The following PZP variants were observed in gnomAD, a reference collection of about 807,000 sequenced individuals.
PZP encodes the protein PZP alpha-2-macroglobulin like, also known as pregnancy zone protein.
A neutral mutation model predicts 179.8 loss-of-function variants in PZP; 150 were observed. That is an observed-to-expected ratio of 0.83 (90% CI 0.73 to 0.96). The LOEUF is 0.96. Ranked by LOEUF, PZP falls within the 40% of genes least tolerant of loss-of-function variation. PZP has a pLI of 0.00. For synonymous variants in PZP, 624 were observed against 652.3 expected (o/e 0.96, Z 0.66); for missense variants, 1,689 against 1,764.0 (o/e 0.96, Z 0.76).
intron 26 of PZP, among the ~76,000 whole-genome samples, chr12:9,158,216 A>G (rs896465896): frequency 6.6e-6 from 1 of 152,122 alleles, no homozygotes; most frequent in Non-Finnish European, 1.5e-5. Context: ...TGGCCTCCCA[A>G]AGTGCTGTGA....
At chr12:9,180,872 A>C (rs772889046) in intron 15 of PZP, 111 bp downstream of exon 15, 42 of 1,210,862 alleles carry the variant, frequency 3.5e-5, no homozygotes, top group African/African-American at 3.4e-4. Flanking sequence ...CAACCTACAA[A>C]ATGGGAGAAA....
chr12:9,208,174 T>C, intron 1 of PZP, 85 bp downstream of exon 1: 1 of 936,024 alleles, frequency 1.1e-6, no homozygotes, highest in South Asian at 1.3e-5. Flanking sequence ...AGTGGAAAGG[T>C]GGCATTTACA....
At chr12:9,172,735 A>T (rs777732119) in intron 15 of PZP, among the ~76,000 whole-genome samples, 4 of 152,316 alleles carry the variant, frequency 2.6e-5, no homozygotes, top group East Asian at 1.9e-4. Flanking sequence ...AAAGAAGGGT[A>T]GTATATAATA....
intron 2 of PZP, 72 bp downstream of exon 2, chr12:9,203,696 C>G (rs1944304219): frequency 6.5e-7 from 1 of 1,544,688 alleles, no homozygotes; most frequent in Non-Finnish European, 8.9e-7. Flanking sequence ...CACCAGAGCT[C>G]CATCACCATG....
At chr12:9,138,138 G>A in the PZP span, among the ~76,000 whole-genome samples, 2 of 152,030 alleles carry the variant, frequency 1.3e-5, no homozygotes. Flanking sequence ...CGTTGAGTCT[G>A]ATATTATCTA....
intron 1 of PZP, among the ~76,000 whole-genome samples, chr12:9,207,357 C>G (rs1163080819): frequency 6.6e-6 from 1 of 152,208 alleles, no homozygotes; most frequent in Admixed American, 6.5e-5. Flanking sequence ...CAAGAGTTCT[C>G]ACCATTCTCT....
At chr12:9,202,416 G>A (rs758478795) in intron 3 of PZP, 45 bp from the exon 4 acceptor site, 10 of 1,613,682 alleles carry the variant, frequency 6.2e-6, no homozygotes, top group Non-Finnish European at 5.1e-6. Flanking sequence ...GATAAAGCAG[G>A]TAATTTGGGT....
chr12:9,200,332 A>C, intron 7 of PZP, 32 bp downstream of exon 7: 2 of 1,486,350 alleles, frequency 1.3e-6, no homozygotes, highest in Middle Eastern at 1.7e-4. Flanking sequence ...GAGGCAAAAT[A>C]TAAAATTTTA....
In PZP at chr12:9,158,549, G is replaced by A. The variant is rs765951100; in HGVS notation, c.3165C>T (p.Phe1055=). Reference sequence around the variant, plus strand: ...TGAAGATGTAGGATCGAGCCTGGGCGAAAGTCTTCAGTACAAAAGCTGTGA... The same window carrying A: ...TGAAGATGTAGGATCGAGCCTGGGCAAAAGTCTTCAGTACAAAAGCTGTGA... ...TWLTAFVLKT[F]AQARSYIFID... Residue 1055 remains phenylalanine (F), a synonymous_variant, in exon 26 of 36, where the codon TTC becomes TTT. Transcript: ENST00000261336. 13 of 1,614,082 alleles carry A rather than the reference G, an allele frequency of 8.1e-6. No individual in the cohort carries two copies. The highest frequency in any genetic ancestry group is 2.2e-5 in the South Asian group (2 of 91,072).
intron 10 of PZP, among the ~76,000 whole-genome samples, chr12:9,194,618 C>G (rs2121132332): frequency 6.6e-6 from 1 of 152,162 alleles, no homozygotes; most frequent in South Asian, 2.1e-4. Flanking sequence ...GCGCCCGCCA[C>G]CCCGCCCAGC....
the PZP span, among the ~76,000 whole-genome samples, chr12:9,143,540 G>A: frequency 6.6e-6 from 1 of 152,080 alleles, no homozygotes; most frequent in African/African-American, 2.4e-5. Flanking sequence ...TATTAAGAAG[G>A]ATTTCATGAG....
At chr12:9,156,801 A>G (rs1438732255) in intron 28 of PZP, among the ~76,000 whole-genome samples, 2 of 152,138 alleles carry the variant, frequency 1.3e-5, no homozygotes, top group Admixed American at 6.6e-5. Context: ...GAAGGAATAT[A>G]TTTCTTCTTT....
intron 13 of PZP, among the ~76,000 whole-genome samples, chr12:9,190,211 T>G (rs1481903072): frequency 2.6e-5 from 4 of 152,108 alleles, no homozygotes; most frequent in Non-Finnish European, 5.9e-5. Context: ...ATTGCAACCC[T>G]GTTGCAATGA....
intron 25 of PZP, among the ~76,000 whole-genome samples, 182 bp downstream of exon 25, chr12:9,159,756 G>C (rs1276679921): frequency 6.6e-6 from 1 of 151,504 alleles, no homozygotes; most frequent in Non-Finnish European, 1.5e-5. Context: ...CTCTCAACTA[G>C]ATGCGGCCCC....
Position 9,196,657 on chromosome 12 carries a change from T to C in PZP, c.896A>G (p.Gln299Arg). The C allele has an allele frequency of 6.2e-7, 1 of 1,613,104 alleles. No homozygotes were observed. The highest frequency in any genetic ancestry group is 8.5e-7 in the Non-Finnish European group (1 of 1,179,084). ...QLNSNGCITQ[Q>R]VHTKMLQITN... ...AATCTGGAGCATTTTGGTGTGTACT[T>C]GTTGGGTGATGCAGCCATTGCTGTT... is the stretch of plus-strand genomic sequence containing the variant. Residue 299 changes from glutamine (Q) to arginine (R), a missense_variant, in exon 9 of 36, where the codon CAA becomes CGA. Physicochemically the swap from Gln to Arg is conservative, Grantham distance 43. Around this residue, in one of 3 missense-constraint regions of PZP, gnomAD observed 742 missense variants for 730.5 expected, o/e 1.02. Transcript: ENST00000261336.
the PZP span, among the ~76,000 whole-genome samples, chr12:9,136,960 T>C: frequency 6.6e-6 from 1 of 152,180 alleles, no homozygotes; most frequent in Non-Finnish European, 1.5e-5. Context: ...TTGCAAATAT[T>C]TTCTACCATT....
chr12:9,153,698 TTAC>T (rs947222707), intron 29 of PZP, among the ~76,000 whole-genome samples: 27 of 152,168 alleles, frequency 1.8e-4, no homozygotes, highest in Non-Finnish European at 1.5e-5. Context: ...TGATAAAAAT[TTAC>T]TGTACATGAA....
chr12:9,167,877 C>T (rs1470514227), intron 17 of PZP, among the ~76,000 whole-genome samples: 1 of 152,046 alleles, frequency 6.6e-6, no homozygotes, highest in East Asian at 1.9e-4. Context: ...TTTCCTTTCC[C>T]TTATTCTTTA....
At chr12:9,206,240 A>ATT (rs900962684) in intron 1 of PZP, among the ~76,000 whole-genome samples, 1 of 151,600 alleles carries the variant, frequency 6.6e-6, no homozygotes, top group South Asian at 2.1e-4. Flanking sequence ...TGATCTTAAT[A>ATT]AGAAGGTATA....
Sources: gnomAD v4.1 joint callset for allele counts (sites outside exome capture counted in the v4.1 genomes callset) on GRCh38, gnomAD v4.1.1 for gene constraint, gnomAD v4.1.1 regional missense constraint, MANE v1.5 for transcripts, NCBI Gene and HGNC (gene_info 2026-07-23, HGNC 2026-07-21) for gene names.